PARD3: variants seen among roughly 807,000 people sequenced by gnomAD.
PARD3 encodes the protein par-3 family cell polarity regulator.
Under a neutral mutation model 155.4 loss-of-function variants are expected in PARD3, and 75 were observed. The ratio of observed to expected loss-of-function variants is 0.48; its 90% confidence interval spans 0.40 to 0.58. PARD3 has a LOEUF of 0.58. Ranked by LOEUF, PARD3 falls within the 20% of genes least tolerant of loss-of-function variation. PARD3 has a pLI of 0.00. For missense variants in PARD3, 1,642 were observed against 1,721.7 expected, an observed-to-expected ratio of 0.95 and a Z score of 0.82; for synonymous variants, 576 against 610.5, an observed-to-expected ratio of 0.94 and a Z score of 0.83.
intron 1 of PARD3, among the ~76,000 whole-genome samples, chr10:34,777,421 T>C (rs1157549629): frequency 2.7e-5 from 4 of 150,670 alleles, no homozygotes; most frequent in African/African-American, 5.0e-5. Context: ...TGTCTCCTAC[T>C]CCATTTCCAC....
intron 1 of PARD3, among the ~76,000 whole-genome samples, chr10:34,756,923 G>A (rs1181940106): frequency 6.6e-6 from 1 of 152,104 alleles, no homozygotes; most frequent in Non-Finnish European, 1.5e-5. Context: ...TTACTTTTCT[G>A]CATGAATCTT....
At chr10:34,650,535 T>C (rs1287724705) in intron 2 of PARD3, among the ~76,000 whole-genome samples, 2 of 152,140 alleles carry the variant, frequency 1.3e-5, no homozygotes, top group Non-Finnish European at 2.9e-5. Context: ...ACTCTAAAGA[T>C]GAAGTGGACA....
Position 34,646,553 on chromosome 10 carries a change from T to C in PARD3, c.222+49765A>G, listed in dbSNP as rs137863779. ...AAGGTAATAAAACAAAGCAGGATCATCACCACTAATAACCTGAGAGGGAAG... is the reference window on the plus strand; with the variant it reads ...AAGGTAATAAAACAAAGCAGGATCACCACCACTAATAACCTGAGAGGGAAG... On this transcript the variant is annotated intron_variant, in intron 2 of 24. Transcript: ENST00000374788. Among the ~76,000 whole-genome samples, 114 of 152,346 alleles carry C rather than the reference T, an allele frequency of 7.5e-4. No individual in the cohort carries two copies. In the East Asian group the frequency reaches 0.019, roughly 26 times the overall value.
At chr10:34,412,556 C>T (rs1456384982) in intron 5 of PARD3, among the ~76,000 whole-genome samples, 1 of 152,096 alleles carries the variant, frequency 6.6e-6, no homozygotes, top group Non-Finnish European at 1.5e-5. Context: ...GGTGACAACA[C>T]AGAATGTCCA....
chr10:34,804,127 G>A (rs544178465), intron 1 of PARD3, among the ~76,000 whole-genome samples: 34 of 150,764 alleles, frequency 2.3e-4, no homozygotes, highest in East Asian at 1.8e-3. Context: ...TCTGCCTCCC[G>A]GGTTCAAGCC....
chr10:34,514,484 C>G (rs1302949514), intron 3 of PARD3, among the ~76,000 whole-genome samples: 2 of 152,162 alleles, frequency 1.3e-5, no homozygotes, highest in Non-Finnish European at 2.9e-5. Flanking sequence ...GCAAAAATCA[C>G]CTTGACAGGT....
At chr10:34,803,721 T>C (rs1843052620) in intron 1 of PARD3, among the ~76,000 whole-genome samples, 1 of 151,958 alleles carries the variant, frequency 6.6e-6, no homozygotes, top group Admixed American at 6.6e-5. Context: ...TAGAATTGCT[T>C]GAACCCAGGA....
chr10:34,442,213 G>A lies in PARD3; in HGVS notation c.714+8104C>T, dbSNP rs558992289. Among the ~76,000 whole-genome samples, 12 of 152,166 alleles carry A rather than the reference G, an allele frequency of 7.9e-5. No individual in the cohort carries two copies. In the East Asian group the frequency reaches 1.4e-3, roughly 17 times the overall value. ...TCATTTGGATCCTCATTGACTTCAC[G>A]CTACAGAATTAACAAACCCAAAAAA... On this transcript the variant is annotated intron_variant, in intron 5 of 24. Coordinates refer to ENST00000374788, the MANE Select transcript of PARD3 (RefSeq NM_001184785.2).
chr10:34,266,325 C>T (rs1260179819), intron 22 of PARD3, among the ~76,000 whole-genome samples: 3 of 152,124 alleles, frequency 2.0e-5, no homozygotes, highest in African/African-American at 7.2e-5. Context: ...GATACCATGA[C>T]ATCACAGCCA....
At chr10:34,641,926 C>G (rs2092690936) in intron 2 of PARD3, among the ~76,000 whole-genome samples, 1 of 152,102 alleles carries the variant, frequency 6.6e-6, no homozygotes, top group South Asian at 2.1e-4. Flanking sequence ...ACGGAGCCTC[C>G]CCACCAGCTG....
In PARD3 at chr10:34,156,961, AC is replaced by A. The variant is rs376731676; in HGVS notation, c.3420-25379del. On this transcript the variant is annotated intron_variant, in intron 22 of 24. Coordinates refer to ENST00000374788, the MANE Select transcript of PARD3 (RefSeq NM_001184785.2). ...AGTGGAAAAAAGGAGGGGAAAAAAA[AC>A]CCTGCCCTTGAGTAGGAATGCAACA... 3.9e-4 allele frequency among the ~76,000 whole-genome samples: 59 copies of A among 152,262 alleles called. 2 individuals carry two copies. The highest frequency in any genetic ancestry group is 1.4e-3 in the African/African-American group (58 of 41,554).
intron 5 of PARD3, among the ~76,000 whole-genome samples, chr10:34,413,180 C>CACACACACACACACACACACACAT (rs775445941): frequency 2.0e-4 from 29 of 145,256 alleles, no homozygotes; most frequent in African/African-American, 6.3e-4. Context: ...CACACACACA[C>CACACACACACACACACACACACAT]ATATATATAA....
At chr10:34,580,332 C>T (rs1266163033) in intron 2 of PARD3, among the ~76,000 whole-genome samples, 1 of 151,680 alleles carries the variant, frequency 6.6e-6, no homozygotes, top group Non-Finnish European at 1.5e-5. Flanking sequence ...CCAGCCTAGG[C>T]AACATGACGA....
chr10:34,515,610 T>C (rs1234687339), intron 3 of PARD3, among the ~76,000 whole-genome samples: 1 of 152,196 alleles, frequency 6.6e-6, no homozygotes, highest in East Asian at 1.9e-4. Context: ...GGCTAACAGA[T>C]CTCTAACTGT....
chr10:34,130,103 A>C (rs545067392), intron 23 of PARD3, among the ~76,000 whole-genome samples: 4 of 152,142 alleles, frequency 2.6e-5, no homozygotes, highest in Non-Finnish European at 5.9e-5. Flanking sequence ...TCTGTAACTC[A>C]CGTGCAAAGA....
At chr10:34,417,345 C>A (rs1359127595) in intron 5 of PARD3, among the ~76,000 whole-genome samples, 1 of 152,124 alleles carries the variant, frequency 6.6e-6, no homozygotes, top group East Asian at 1.9e-4. Context: ...TAAAAAGCCA[C>A]AGAAAAGAAC....
At chr10:34,307,178 C>T (rs1392615871) in intron 20 of PARD3, among the ~76,000 whole-genome samples, 1 of 152,166 alleles carries the variant, frequency 6.6e-6, no homozygotes, top group Non-Finnish European at 1.5e-5. Context: ...GCGTGAGCCA[C>T]CGCACCCGGC....
chr10:34,429,179 A>T (rs1428574769), intron 5 of PARD3, among the ~76,000 whole-genome samples: 1 of 152,150 alleles, frequency 6.6e-6, no homozygotes, highest in Non-Finnish European at 1.5e-5. Context: ...AAAGAAAATA[A>T]AATCTCAGAA....
intron 12 of PARD3, among the ~76,000 whole-genome samples, chr10:34,363,844 A>T (rs1839698871): frequency 6.6e-6 from 1 of 152,210 alleles, no homozygotes; most frequent in African/African-American, 2.4e-5. Context: ...AAAGCCTGTC[A>T]GTTCTTCCTT....
Sources: gnomAD v4.1 joint callset for allele counts (sites outside exome capture counted in the v4.1 genomes callset) on GRCh38, gnomAD v4.1.1 for gene constraint, MANE v1.5 for transcripts, NCBI Gene and HGNC (gene_info 2026-07-23, HGNC 2026-07-21) for gene names.